TULP4: variants seen among roughly 807,000 people sequenced by gnomAD.
TULP4 encodes the protein tubby-related protein 4.
A neutral mutation model predicts 129.0 loss-of-function variants in TULP4; 16 were observed. The observed-to-expected ratio is 0.12, with a 90% CI of 0.08 to 0.19. The LOEUF (loss-of-function observed/expected upper bound fraction) is 0.19, where lower values mean the gene tolerates loss of function less well. TULP4 is among the 10% of genes least tolerant of loss of function. TULP4 has a pLI of 1.00. For missense variants in TULP4, 1,842 were observed against 2,059.1 expected (o/e 0.89, Z 2.04); for synonymous variants, 998 against 854.0 (o/e 1.17, Z -2.94).
intron 8 of TULP4, 70 bp downstream of exon 8, chr6:158,481,359 C>A: frequency 7.2e-7 from 1 of 1,393,548 alleles, no homozygotes; most frequent in Non-Finnish European, 1.0e-6. Context: ...CCTTACACCC[C>A]ATGCAAAGAG....
chr6:158,341,267 T>C (rs1204699387), intron 1 of TULP4, among the ~76,000 whole-genome samples: 1 of 152,078 alleles, frequency 6.6e-6, no homozygotes, highest in Admixed American at 6.6e-5. Flanking sequence ...ATGACAGGAG[T>C]TCACTTTTTT....
At chr6:158,401,047 TTTTTTGTTGTTGTTG>T (rs1345025118) in intron 1 of TULP4, among the ~76,000 whole-genome samples, 3 of 112,250 alleles carry the variant, frequency 2.7e-5, no homozygotes, top group African/African-American at 6.3e-5. Context: ...TTTGTTTGGG[TTTTTTGTTGTTGTTG>T]TTGTTGTTGT....
Position 158,415,079 on chromosome 6 carries a change from A to G in TULP4, c.381+1886A>G, listed in dbSNP as rs555517289. ...TATTCATAGTGTAGTTACATGCTGC[A>G]TAATGACGTTTCAGTTATCACAGAC... is the stretch of plus-strand genomic sequence containing the variant. On this transcript the variant is annotated intron_variant, in intron 2 of 13. Transcript: ENST00000367097. Among the ~76,000 whole-genome samples, 4 of 152,340 alleles carry G rather than the reference A, an allele frequency of 2.6e-5. No homozygotes were observed. The South Asian group carries it at 6.2e-4, about 24-fold the overall frequency.
At chr6:158,438,566 AGTTTGTTTGTTTGTTTGTTT>A (rs140886476) in intron 3 of TULP4, among the ~76,000 whole-genome samples, 3 of 141,806 alleles carry the variant, frequency 2.1e-5, no homozygotes, top group African/African-American at 8.0e-5. Flanking sequence ...AAAACACCAC[AGTTTGTTTGTTTGTTTGTTT>A]GTTTGTTTGT....
At chr6:158,469,890 T>C (rs1338679388) in intron 6 of TULP4, among the ~76,000 whole-genome samples, 1 of 151,898 alleles carries the variant, frequency 6.6e-6, no homozygotes, top group Non-Finnish European at 1.5e-5. Context: ...CTCCCAGAGC[T>C]CCCAAGATGG....
intron 1 of TULP4, among the ~76,000 whole-genome samples, chr6:158,341,592 G>A (rs917547114): frequency 7.2e-5 from 11 of 152,006 alleles, no homozygotes; most frequent in African/African-American, 2.7e-4. Context: ...CTTTCTTCTT[G>A]GAAAAAGCTG....
At position 158,255,857 on chromosome 6, in the gene TULP4, G is replaced by A. The variant is rs557252613; in HGVS notation, n.68+23554G>A. ...GTCATTCTTTCCCTCATTGCATGAA[G>A]AAGTACAGGGTATAAAGGCAGAATT... On this transcript the variant is annotated intron_variant and non_coding_transcript_variant, in intron 1 of 1. Transcript: ENST00000620026. 7.0e-4 allele frequency among the ~76,000 whole-genome samples: 107 copies of A among 152,348 alleles called. 1 individual carries two copies. The highest frequency in any genetic ancestry group is 2.5e-3 in the African/African-American group (102 of 41,576).
At chr6:158,476,999 A>G (rs1011825871) in intron 6 of TULP4, among the ~76,000 whole-genome samples, 4 of 152,156 alleles carry the variant, frequency 2.6e-5, no homozygotes, top group Non-Finnish European at 4.4e-5. Context: ...GTTAGATGAG[A>G]ATAATGTTAT....
Position 158,469,120 on chromosome 6 carries a change from G to A in TULP4, c.1026+7391G>A, listed in dbSNP as rs186863913. Reference sequence around the variant, plus strand: ...AGGGCTTTGGGGAGACTAAACTGACGTCAGTGTTATTATCTCAGTAAGACG... The same window carrying A: ...AGGGCTTTGGGGAGACTAAACTGACATCAGTGTTATTATCTCAGTAAGACG... On this transcript the variant is annotated intron_variant, in intron 6 of 13. Transcript: ENST00000367097. Among the ~76,000 whole-genome samples the A allele has an allele frequency of 4.3e-3, 659 of 152,214 alleles. 3 individuals carry two copies. The highest frequency in any genetic ancestry group is 7.2e-3 in the Non-Finnish European group (493 of 68,006).
At chr6:158,467,728 C>T (rs1215819137) in intron 6 of TULP4, among the ~76,000 whole-genome samples, 1 of 152,182 alleles carries the variant, frequency 6.6e-6, no homozygotes, top group Non-Finnish European at 1.5e-5. Flanking sequence ...CCCTCCATCC[C>T]CTCTAGAATT....
intron 6 of TULP4, among the ~76,000 whole-genome samples, chr6:158,467,914 C>A (rs1391303558): frequency 6.6e-6 from 1 of 152,192 alleles, no homozygotes; most frequent in African/African-American, 2.4e-5. Flanking sequence ...TTGTATCTTA[C>A]TGCTGCCCAT....
chr6:158,245,953 C>T (rs1462594847), intron 1 of TULP4, among the ~76,000 whole-genome samples: 6 of 151,830 alleles, frequency 4.0e-5, no homozygotes, highest in African/African-American at 1.5e-4. Context: ...GTTTAATTCT[C>T]CTGTCATAAG....
chr6:158,400,537 A>G (rs1297281090), intron 1 of TULP4, among the ~76,000 whole-genome samples: 2 of 151,952 alleles, frequency 1.3e-5, no homozygotes, highest in African/African-American at 4.8e-5. Flanking sequence ...TTTTTGGCCA[A>G]TGTCTTGTCA....
At chr6:158,440,777 CG>C (rs1778878422) in intron 3 of TULP4, among the ~76,000 whole-genome samples, 1 of 152,208 alleles carries the variant, frequency 6.6e-6, no homozygotes, top group Middle Eastern at 3.4e-3. Flanking sequence ...TTTCTTTTTG[CG>C]TGTATTTGAG....
Position 158,314,001 on chromosome 6 carries a change from G to C in TULP4, c.-16G>C, listed in dbSNP as rs1309174560. The C allele has an allele frequency of 6.2e-7, 1 of 1,609,120 alleles. No individual in the cohort carries two copies. Among genetic ancestry groups the C allele is most frequent in the South Asian group, 1.1e-5 (1 of 90,788 alleles). ...TTAACATTACTTTTTAAGTAAAACA[G>C]TTCATTGAAGAAAGTATGTATGCAG... On this transcript the variant is annotated 5_prime_UTR_variant, in exon 1 of 14. Transcript: ENST00000367097.
At chr6:158,444,021 C>CA (rs1220836802) in intron 3 of TULP4, among the ~76,000 whole-genome samples, 1 of 151,700 alleles carries the variant, frequency 6.6e-6, no homozygotes. Context: ...AGATTGAGAC[C>CA]ATCCTGGCTA....
intron 3 of TULP4, among the ~76,000 whole-genome samples, chr6:158,444,021 C>A (rs187066671): frequency 2.0e-5 from 3 of 151,700 alleles, no homozygotes; most frequent in South Asian, 4.2e-4. Flanking sequence ...AGATTGAGAC[C>A]ATCCTGGCTA....
rs1780669564 is a variant in TULP4 at position 158,508,987 on chromosome 6, A to T, written c.*2293A>T. On this transcript the variant is annotated 3_prime_UTR_variant, in exon 14 of 14. Coordinates refer to ENST00000367097, the MANE Select transcript of TULP4 (RefSeq NM_020245.5). ...CCCACAACCTCTGACTCCAGGGTTC[A>T]GGTGATTATTTTGCCTCAGCCTCCC... is the stretch of plus-strand genomic sequence containing the variant. The T allele has an allele frequency of 7.1e-6, 1 of 140,202 alleles. No homozygotes were observed. The highest frequency in any genetic ancestry group is 1.5e-5 in the Non-Finnish European group (1 of 66,462). The allele number at this position is 140,202 out of a possible 1,614,324, so 8.7% of individuals were successfully genotyped here.
At chr6:158,329,407 C>A (rs1282900770) in intron 1 of TULP4, among the ~76,000 whole-genome samples, 2 of 144,030 alleles carry the variant, frequency 1.4e-5, no homozygotes, top group African/African-American at 2.6e-5. Context: ...TCTGTTCTTT[C>A]TTTGCTGATT....
Sources: allele counts gnomAD v4.1 joint callset (sites outside exome capture counted in the v4.1 genomes callset), GRCh38; gene constraint gnomAD v4.1.1; transcripts MANE v1.5; gene names NCBI Gene and HGNC (gene_info 2026-07-23, HGNC 2026-07-21).